The following PSMC6 variants were observed in gnomAD, a reference collection of about 807,000 sequenced individuals.
PSMC6 encodes 26S proteasome regulatory subunit 10B.
PSMC6 carries 3 observed loss-of-function variants against 55.9 expected under a neutral mutation model. The observed-to-expected ratio is 0.05, with a 90% CI of 0.02 to 0.14. PSMC6 has a LOEUF of 0.14. Ranked by LOEUF, PSMC6 falls within the 10% of genes least tolerant of loss-of-function variation. The pLI, the probability that PSMC6 is intolerant of heterozygous loss-of-function variation, is 1.00. For missense variants in PSMC6, 210 were observed against 478.7 expected (o/e 0.44, Z 5.24); for synonymous variants, 137 against 155.9 (o/e 0.88, Z 0.90).
intron 13 of PSMC6, among the ~76,000 whole-genome samples, chr14:52,727,288 C>T (rs12435008): frequency 0.046 from 6,958 of 151,950 alleles, 366 homozygotes; most frequent in East Asian, 0.19. Context: ...CTTGGCCTCC[C>T]AAAGTGTTGG....
rs776206295 is a variant in PSMC6, at chr14:52,707,312, C to T, written c.85+8C>T. On this transcript the variant is annotated splice_region_variant and intron_variant, in intron 1 of 13. Coordinates refer to ENST00000445930, the MANE Select transcript of PSMC6 (RefSeq NM_002806.5). Reference sequence around the variant, plus strand: ...ACGGCCGTCTTAAGGAGTGTGAGTGCACCTTTCTTTCCATTTAATCAAGTG... The same window carrying T: ...ACGGCCGTCTTAAGGAGTGTGAGTGTACCTTTCTTTCCATTTAATCAAGTG... 1.9e-6 allele frequency: 3 copies of T among 1,613,806 alleles called. No homozygotes were observed. Among genetic ancestry groups the T allele is most frequent in the Non-Finnish European group, 2.5e-6 (3 of 1,179,970 alleles).
chr14:52,711,000 G>C, intron 4 of PSMC6, 101 bp from the exon 5 acceptor site: 1 of 777,492 alleles, frequency 1.3e-6, no homozygotes, highest in Non-Finnish European at 2.2e-6. Flanking sequence ...GTTCTCTCTG[G>C]AGGGTAAAAA....
rs1250112648 is a variant in PSMC6 at position 52,714,168 on chromosome 14, G to A, written c.529+200G>A. On this transcript the variant is annotated intron_variant, in intron 7 of 13. Coordinates refer to ENST00000445930, the MANE Select transcript of PSMC6 (RefSeq NM_002806.5). ...TGATTCTCCCACCTCAGTCTCCCAC[G>A]TAGCTGGGACTGCAGGCGTGCATCA... The A allele has an allele frequency of 2.4e-5, 10 of 413,136 alleles. 1 individual carries two copies. Among genetic ancestry groups the A allele is most frequent in the Admixed American group, 1.3e-4 (3 of 23,602 alleles). The allele number at this position is 413,136 out of a possible 1,614,324, so 25.6% of individuals were successfully genotyped here.
In PSMC6 at chr14:52,727,771, A is replaced by C. The variant is rs1167364680; in HGVS notation, c.*154A>C. The C allele has an allele frequency of 4.0e-6, 2 of 501,754 alleles. No homozygotes were observed. The highest frequency in any genetic ancestry group is 7.1e-6 in the Non-Finnish European group (2 of 281,924). 31.1% of individuals were successfully genotyped at this position (501,754 alleles called of 1,614,324 possible). A position where few individuals can be genotyped will look rare whatever the true frequency, so the allele number is the denominator to read the frequency against. ...ATAAAAATTAGTAATTCAACTTTTAAGATACAGAAGAAATTTGTATGTTTG... is the reference window on the plus strand; with the variant it reads ...ATAAAAATTAGTAATTCAACTTTTACGATACAGAAGAAATTTGTATGTTTG... On this transcript the variant is annotated 3_prime_UTR_variant, in exon 14 of 14. Transcript: ENST00000445930.
intron 1 of PSMC6, 105 bp from the exon 2 acceptor site, chr14:52,708,204 T>C: frequency 1.1e-6 from 1 of 937,598 alleles, no homozygotes; most frequent in Non-Finnish European, 1.7e-6. Flanking sequence ...ATGTGAAACT[T>C]AGGTAAAGTG....
intron 13 of PSMC6, among the ~76,000 whole-genome samples, chr14:52,725,879 G>A (rs1440495115): frequency 1.3e-5 from 2 of 152,182 alleles, no homozygotes; most frequent in African/African-American, 4.8e-5. Context: ...TGTGTGCAAG[G>A]TTTACAAAAA....
intron 4 of PSMC6, 108 bp downstream of exon 4, chr14:52,708,924 C>T: frequency 6.7e-7 from 1 of 1,488,552 alleles, no homozygotes; most frequent in Non-Finnish European, 9.1e-7. Context: ...GCCCATAACT[C>T]ACAAGGATGA....
intron 7 of PSMC6, among the ~76,000 whole-genome samples, chr14:52,717,297 A>C: frequency 1.3e-5 from 2 of 152,046 alleles, no homozygotes; most frequent in Middle Eastern, 6.8e-3. Flanking sequence ...ATTTTGATTA[A>C]AATTTTAATG....
rs527873876 is a variant in PSMC6, at chr14:52,723,125, C to G, written c.980-840C>G. The G allele has an allele frequency of 2.0e-5, 3 of 152,320 alleles. No individual in the cohort carries two copies. The South Asian group carries it at 6.2e-4, about 32-fold the overall frequency. The allele number at this position is 152,320 out of a possible 1,614,324, so 9.4% of individuals were successfully genotyped here. On this transcript the variant is annotated intron_variant, in intron 12 of 13. Transcript: ENST00000445930. ...ACAAATACTGAGCTCTTGCTAGATGCCAGATACTGTGCTAGCCTTGGGAAT... is the reference window on the plus strand; with the variant it reads ...ACAAATACTGAGCTCTTGCTAGATGGCAGATACTGTGCTAGCCTTGGGAAT...
At chr14:52,712,898 G>A (rs936871153) in intron 6 of PSMC6, among the ~76,000 whole-genome samples, 10 of 151,972 alleles carry the variant, frequency 6.6e-5, no homozygotes, top group Non-Finnish European at 1.5e-5. Context: ...ATTTACAGGC[G>A]TGAGCCACCG....
chr14:52,714,019 A>AT (rs1209719158), intron 7 of PSMC6, 51 bp downstream of exon 7: 1 of 1,165,630 alleles, frequency 8.6e-7, no homozygotes, highest in African/African-American at 1.6e-5. Flanking sequence ...GAATTAAGGA[A>AT]TTAAAAAAAA....
chr14:52,713,516 T>C (rs922072349), intron 6 of PSMC6, among the ~76,000 whole-genome samples: 2 of 152,210 alleles, frequency 1.3e-5, no homozygotes, highest in African/African-American at 4.8e-5. Context: ...TATATGTTCA[T>C]TTGACTTAAC....
intron 5 of PSMC6, 49 bp downstream of exon 5, chr14:52,711,217 G>GT (rs1229174239): frequency 6.5e-7 from 1 of 1,527,880 alleles, no homozygotes. Context: ...ACAAAGGGTG[G>GT]TTTTTATCTG....
chr14:52,722,776 A>G (rs1408412424), intron 12 of PSMC6: 1 of 152,206 alleles, frequency 6.6e-6, no homozygotes, highest in Non-Finnish European at 1.5e-5. Context: ...GTTTTGTTGT[A>G]ACCCAAGCAT....
At chr14:52,722,532 TTAGA>T (rs1451682208) in intron 12 of PSMC6, 2 of 152,224 alleles carry the variant, frequency 1.3e-5, no homozygotes, top group South Asian at 2.1e-4. Context: ...TGACAGGTTC[TTAGA>T]TAGTGCAGGA....
chr14:52,721,324 A>G (rs1157966370), intron 12 of PSMC6, 134 bp downstream of exon 12: 1 of 719,012 alleles, frequency 1.4e-6, no homozygotes, highest in African/African-American at 1.8e-5. Flanking sequence ...GCAAATAGTT[A>G]TTGAGCATCT....
chr14:52,726,397 C>T (rs1478064578), intron 13 of PSMC6, among the ~76,000 whole-genome samples: 1 of 152,122 alleles, frequency 6.6e-6, no homozygotes, highest in South Asian at 2.1e-4. Context: ...TTTGCTAAAA[C>T]CCGCTGTTGG....
At chr14:52,717,745 C>G (rs558630259) in intron 7 of PSMC6, among the ~76,000 whole-genome samples, 2 of 151,898 alleles carry the variant, frequency 1.3e-5, no homozygotes, top group African/African-American at 4.8e-5. Flanking sequence ...AGGCCGGGTG[C>G]GGTGGCTCCT....
At chr14:52,726,487 C>T (rs972370551) in intron 13 of PSMC6, among the ~76,000 whole-genome samples, 2 of 151,878 alleles carry the variant, frequency 1.3e-5, no homozygotes, top group African/African-American at 4.8e-5. Context: ...GATTTTTTTT[C>T]CCCCATAAAT....
Sources: gnomAD v4.1 joint callset for allele counts (sites outside exome capture counted in the v4.1 genomes callset) on GRCh38, gnomAD v4.1.1 for gene constraint, MANE v1.5 for transcripts, NCBI Gene and HGNC (gene_info 2026-07-23, HGNC 2026-07-21) for gene names.